OSBPL5: variants seen among roughly 807,000 people sequenced by gnomAD.
OSBPL5 encodes the protein oxysterol binding protein like 5.
Under a neutral mutation model 111.2 loss-of-function variants are expected in OSBPL5, and 71 were observed. The observed-to-expected ratio is 0.64, with a 90% CI of 0.53 to 0.78. OSBPL5 has a LOEUF of 0.78. OSBPL5 is among the 30% of genes least tolerant of loss of function. OSBPL5 has a pLI of 0.00. For synonymous variants in OSBPL5, 549 were observed against 513.9 expected (o/e 1.07, Z -0.93); for missense variants, 1,210 against 1,189.3 (o/e 1.02, Z -0.26).
chr11:3,120,707 G>A lies in OSBPL5; in HGVS notation c.403-83C>T, dbSNP rs1353367368. 2.7e-6 allele frequency: 4 copies of A among 1,493,868 alleles called. No individual in the cohort carries two copies. The African/African-American group carries it at 5.5e-5, about 21-fold the overall frequency. The allele number at this position is 1,493,868 out of a possible 1,614,324, so 92.5% of individuals were successfully genotyped here. ...TCTTGATGGCTTGGCGGGGAGCCAG[G>A]CACAGACCAGGGTGGGCTGCCGAGG... On this transcript the variant is annotated intron_variant, in intron 5 of 21. Coordinates refer to ENST00000263650, the MANE Select transcript of OSBPL5 (RefSeq NM_020896.4).
In OSBPL5 at chr11:3,103,884, CCCCATTCCTGCCTCT is replaced by C. The variant is rs1857599965; in HGVS notation, c.1244+294_1244+308del. ...CGCAGCCCCCTTCCTGCCTCTGTAG[CCCCATTCCTGCCTCT>C]GCAGCCCCCTTCCTGCCTCTGCAGC... is the stretch of plus-strand genomic sequence containing the variant. On this transcript the variant is annotated intron_variant, in intron 10 of 21. Coordinates refer to ENST00000263650, the MANE Select transcript of OSBPL5 (RefSeq NM_020896.4). Among the ~76,000 whole-genome samples, 6 of 46,914 alleles carry C rather than the reference CCCCATTCCTGCCTCT, an allele frequency of 1.3e-4. 1 individual carries two copies. The highest frequency in any genetic ancestry group is 3.3e-4 in the African/African-American group (3 of 9,000). 30.8% of individuals were successfully genotyped at this position (46,914 alleles called of 152,430 possible).
At chr11:3,103,745 ACCCTCTTCCAGCTCTGCAG>A (rs1564829790) in intron 10 of OSBPL5, among the ~76,000 whole-genome samples, 536 of 51,350 alleles carry the variant, frequency 0.01, 13 homozygotes, top group African/African-American at 0.037. Context: ...TGCCTCTGCA[ACCCTCTTCCAGCTCTGCAG>A]CCCCCTTCCA....
At chr11:3,158,716 C>T (rs1390512066) in intron 1 of OSBPL5, among the ~76,000 whole-genome samples, 4 of 152,250 alleles carry the variant, frequency 2.6e-5, no homozygotes, top group Admixed American at 2.6e-4. Flanking sequence ...AGAAAGATTT[C>T]CAATCACTCA....
intron 1 of OSBPL5, chr11:3,163,843 C>A: frequency 6.6e-6 from 1 of 152,340 alleles, no homozygotes. Context: ...ATAGGATCTG[C>A]AGTTCTGGAG....
chr11:3,103,833 A>AGCCTCTGCAGCCCCTTCCT (rs144493758), intron 10 of OSBPL5, among the ~76,000 whole-genome samples: 2 of 79,322 alleles, frequency 2.5e-5, no homozygotes, highest in Non-Finnish European at 5.6e-5. Context: ...GCCCCCTTCC[A>AGCCTCTGCAGCCCCTTCCT]GCCTCTGCAG....
chr11:3,163,361 G>GACACAC (rs1056830606), intron 1 of OSBPL5, among the ~76,000 whole-genome samples: 4 of 152,156 alleles, frequency 2.6e-5, no homozygotes, highest in Admixed American at 2.6e-4. Context: ...AGCTGGCAGA[G>GACACAC]ACACACACAG....
intron 1 of OSBPL5, among the ~76,000 whole-genome samples, chr11:3,132,982 C>T (rs1234660165): frequency 2.0e-5 from 3 of 151,446 alleles, no homozygotes; most frequent in Non-Finnish European, 4.4e-5. Context: ...GCAGGCACTC[C>T]CCATTGGAGG....
intron 1 of OSBPL5, among the ~76,000 whole-genome samples, chr11:3,156,690 A>T (rs1846769320): frequency 6.6e-6 from 1 of 152,218 alleles, no homozygotes; most frequent in Non-Finnish European, 1.5e-5. Flanking sequence ...GATCTTTCAC[A>T]ATCATTCATT....
In OSBPL5 at chr11:3,104,866, T is replaced by C. The variant is rs1490660318; in HGVS notation, c.1060-489A>G. Among the ~76,000 whole-genome samples the C allele has an allele frequency of 6.6e-6, 1 of 152,200 alleles. No homozygotes were observed. The highest frequency in any genetic ancestry group is 1.5e-5 in the Non-Finnish European group (1 of 68,032). ...AACCACTTTATTGAGGTCTGATTGA[T>C]ATACAGAAGCCTTCAGATATTGAAT... On this transcript the variant is annotated intron_variant, in intron 9 of 21. Transcript: ENST00000263650. This position sits in a 1 kb window ranked among gnomAD's most constrained non-coding sequence, Gnocchi z 5.0.
Position 3,087,721 on chromosome 11 carries a change from G to A in OSBPL5, c.*484C>T, listed in dbSNP as rs969940967. 6.5e-6 allele frequency: 1 copy of A among 153,262 alleles called. No homozygotes were observed. The highest frequency in any genetic ancestry group is 2.4e-5 in the African/African-American group (1 of 41,494). The allele number at this position is 153,262 out of a possible 1,614,324, so 9.5% of individuals were successfully genotyped here. Reference sequence around the variant, plus strand: ...GGCACCCACCAGTGGCCCCACCAGGGTGGTCCCGGCAATGTGGACAGGGTC... The same window carrying A: ...GGCACCCACCAGTGGCCCCACCAGGATGGTCCCGGCAATGTGGACAGGGTC... On this transcript the variant is annotated 3_prime_UTR_variant, in exon 22 of 22. Coordinates refer to ENST00000263650, the MANE Select transcript of OSBPL5 (RefSeq NM_020896.4).
At chr11:3,112,001 G>GCGCGCA (rs1857970803) in intron 7 of OSBPL5, among the ~76,000 whole-genome samples, 1 of 101,302 alleles carries the variant, frequency 9.9e-6, no homozygotes, top group African/African-American at 3.0e-5. Flanking sequence ...GTGCATGTGT[G>GCGCGCA]TGTGTGTGCG....
chr11:3,142,749 G>A lies in OSBPL5; in HGVS notation c.-21-13580C>T, dbSNP rs1846167661. On this transcript the variant is annotated intron_variant, in intron 1 of 21. Transcript: ENST00000263650. This position sits in a 1 kb window ranked among gnomAD's most constrained non-coding sequence, Gnocchi z 7.1. ...GCCCGGCAGGAAGTCGTGTGCAGGG[G>A]TGGAGGCTGGAAGACCAGCAGGTCT... Among the ~76,000 whole-genome samples, 1 of 152,084 alleles carries A rather than the reference G, an allele frequency of 6.6e-6. No homozygotes were observed. Among genetic ancestry groups the A allele is most frequent in the Non-Finnish European group, 1.5e-5 (1 of 68,006 alleles).
chr11:3,117,985 AT>A (rs1238272812), intron 7 of OSBPL5, among the ~76,000 whole-genome samples: 1 of 151,932 alleles, frequency 6.6e-6, no homozygotes, highest in Non-Finnish European at 1.5e-5. Flanking sequence ...TCCTCCTACT[AT>A]TTTCTCTTCA....
rs1241507653 is a variant in OSBPL5 at position 3,126,189 on chromosome 11, A to G, written c.219+284T>C. On this transcript the variant is annotated intron_variant, in intron 3 of 21. Transcript: ENST00000263650. This position sits in a 1 kb window ranked among gnomAD's most constrained non-coding sequence, Gnocchi z 6.5. ...ATTACCATGTGACCTAGCAATTCCA[A>G]TTACTCTAGGTTTATACCTGAGAGA... 6.6e-6 allele frequency among the ~76,000 whole-genome samples: 1 copy of G among 152,236 alleles called. No individual in the cohort carries two copies. The highest frequency in any genetic ancestry group is 1.5e-5 in the Non-Finnish European group (1 of 68,042).
At chr11:3,149,106 C>T (rs1342109659) in intron 1 of OSBPL5, among the ~76,000 whole-genome samples, 1 of 152,230 alleles carries the variant, frequency 6.6e-6, no homozygotes, top group Admixed American at 6.5e-5. Flanking sequence ...CACCTCCAGG[C>T]CACTCCAGCC....
Position 3,150,515 on chromosome 11 carries a change from C to T in OSBPL5, c.-22+14701G>A, listed in dbSNP as rs1846546818. On this transcript the variant is annotated intron_variant, in intron 1 of 21. Coordinates refer to ENST00000263650, the MANE Select transcript of OSBPL5 (RefSeq NM_020896.4). ...TGCCATGTCAGCAGCGTGCAGACAC[C>T]ATCTCAGGGGCAAGACAGGGGTCAG... Among the ~76,000 whole-genome samples the T allele has an allele frequency of 4.6e-5, 7 of 152,250 alleles. No individual in the cohort carries two copies. In the South Asian group the frequency reaches 1.4e-3, roughly 32 times the overall value.
In OSBPL5 at chr11:3,104,292, A is replaced by G. The variant is rs551479242; in HGVS notation, c.1145T>C (p.Met382Thr). ...GGGTAGCACCACGCGGGACAGGTCC[A>G]TGCCTGGCCGTAGCTGCTTCAGCAG... ...WTLLKQLRPG[M>T]DLSRVVLPTF... Residue 382 changes from methionine (M) to threonine (T), a missense_variant, in exon 10 of 22, where the codon ATG (methionine) becomes ACG (threonine). Transcript: ENST00000263650. The surrounding 1 kb of genome is among the most constrained non-coding windows in gnomAD (Gnocchi z 5.0). 2.0e-5 allele frequency: 33 copies of G among 1,613,810 alleles called. 1 individual carries two copies. The South Asian group carries it at 3.5e-4, about 17-fold the overall frequency.
Position 3,130,119 on chromosome 11 carries a change from C to T in OSBPL5, c.-21-950G>A, listed in dbSNP as rs187650020. Among the ~76,000 whole-genome samples, 61 of 152,358 alleles carry T rather than the reference C, an allele frequency of 4.0e-4. No homozygotes were observed. Among genetic ancestry groups the T allele is most frequent in the Non-Finnish European group, 7.8e-4 (53 of 68,034 alleles). On this transcript the variant is annotated intron_variant, in intron 1 of 21. Coordinates refer to ENST00000263650, the MANE Select transcript of OSBPL5 (RefSeq NM_020896.4). The surrounding 1 kb of genome is among the most constrained non-coding windows in gnomAD (Gnocchi z 4.5). ...CTTTGCAGGCACTTGAAGTTGACGG[C>T]GCCAGATCCACTGAGGTCTCAGCCC...
intron 1 of OSBPL5, among the ~76,000 whole-genome samples, chr11:3,151,356 G>A (rs1476924614): frequency 6.6e-6 from 1 of 152,180 alleles, no homozygotes. Flanking sequence ...GTACAGAGCT[G>A]GGAGCAGGGA....
Sources: allele counts gnomAD v4.1 joint callset (sites outside exome capture counted in the v4.1 genomes callset), GRCh38; gene constraint gnomAD v4.1.1; non-coding constraint Gnocchi (gnomAD v3.1); transcripts MANE v1.5; gene names NCBI Gene and HGNC (gene_info 2026-07-23, HGNC 2026-07-21).